Variants in XRRA1 observed in about 807,000 individuals in gnomAD.
XRRA1 encodes the protein X-ray radiation resistance associated 1, also known as X-ray radiation resistance-associated protein 1.
Under a neutral mutation model 80.2 loss-of-function variants are expected in XRRA1, and 69 were observed. That is an observed-to-expected ratio of 0.86 (90% CI 0.71 to 1.05). XRRA1 has a LOEUF of 1.05. XRRA1 is among the 50% of genes least tolerant of loss of function. XRRA1 has a pLI of 0.00. For missense variants in XRRA1, 967 were observed against 976.4 expected, an observed-to-expected ratio of 0.99 and a Z score of 0.13; for synonymous variants, 348 against 389.9, an observed-to-expected ratio of 0.89 and a Z score of 1.27.
At chr11:74,877,676 T>C (rs1372720824) in intron 10 of XRRA1, among the ~76,000 whole-genome samples, 1 of 140,578 alleles carries the variant, frequency 7.1e-6, no homozygotes, top group Non-Finnish European at 1.5e-5. Context: ...TGTGATCTCA[T>C]TGTTCAATTC....
At chr11:74,930,479 A>C in intron 5 of XRRA1, 107 bp from the exon 6 acceptor site, 1 of 841,412 alleles carries the variant, frequency 1.2e-6, no homozygotes, top group Non-Finnish European at 1.8e-6. Flanking sequence ...AAAGACCTAA[A>C]GGAATAAGGG....
At chr11:74,859,136 C>T in intron 12 of XRRA1, 22 bp downstream of exon 12, 1 of 1,577,150 alleles carries the variant, frequency 6.3e-7, no homozygotes. Context: ...CCTGAGTAAA[C>T]AGGAGAGGAG....
In XRRA1 at chr11:74,932,429, A is replaced by G. The variant is rs563882795; in HGVS notation, c.351+1372T>C. On this transcript the variant is annotated intron_variant, in intron 5 of 18. Transcript: ENST00000684022. ...ATTAGCTAGTCCTGTCTAACTCCAT[A>G]TCCATCTAAGCCCAGCCTCCTCCCT... Among the ~76,000 whole-genome samples the G allele has an allele frequency of 3.9e-5, 6 of 152,068 alleles. No individual in the cohort carries two copies. The South Asian group carries it at 1.2e-3, about 32-fold the overall frequency.
chr11:74,936,072 G>C (rs1175801212), intron 4 of XRRA1, among the ~76,000 whole-genome samples: 1 of 152,180 alleles, frequency 6.6e-6, no homozygotes, highest in African/African-American at 2.4e-5. Flanking sequence ...GATTTATGCA[G>C]GCACCCATCT....
At chr11:74,882,373 G>A (rs1170957359) in intron 10 of XRRA1, among the ~76,000 whole-genome samples, 4 of 150,684 alleles carry the variant, frequency 2.7e-5, no homozygotes, top group East Asian at 1.9e-4. Context: ...GCTCCTTTAA[G>A]CACTTCTCTG....
chr11:74,913,470 T>C (rs1208995102), intron 8 of XRRA1: 1 of 152,218 alleles, frequency 6.6e-6, no homozygotes, highest in Admixed American at 6.5e-5. Context: ...CACTTTCAGC[T>C]GCTATTCCAG....
rs188241427 is a variant in XRRA1 at position 74,939,916 on chromosome 11, T to C, written c.94+869A>G. On this transcript the variant is annotated intron_variant, in intron 3 of 18. Coordinates refer to ENST00000684022, the MANE Select transcript of XRRA1 (RefSeq NM_001378157.1). ...GCAAGAGAGAGACAAAGAGAGAAAC[T>C]ATGAGCTCACACTGATAGCTCCATC... 3.6e-3 allele frequency among the ~76,000 whole-genome samples: 544 copies of C among 151,954 alleles called. 3 individuals are homozygous for C. Among genetic ancestry groups the C allele is most frequent in the African/African-American group, 0.013 (534 of 41,414 alleles).
At chr11:74,917,752 T>C (rs1026923687) in intron 8 of XRRA1, among the ~76,000 whole-genome samples, 1 of 152,190 alleles carries the variant, frequency 6.6e-6, no homozygotes, top group African/African-American at 2.4e-5. Context: ...CTTCTCATTC[T>C]ACAACTTTTG....
At chr11:74,907,758 G>A (rs2054956322) in intron 8 of XRRA1, among the ~76,000 whole-genome samples, 1 of 152,078 alleles carries the variant, frequency 6.6e-6, no homozygotes, top group Non-Finnish European at 1.5e-5. Flanking sequence ...GTGGGTTGAG[G>A]GCACCACCCC....
chr11:74,858,871 GA>G (rs1197210421), intron 12 of XRRA1, among the ~76,000 whole-genome samples: 2 of 152,130 alleles, frequency 1.3e-5, no homozygotes, highest in Admixed American at 6.5e-5. Context: ...CCTTATAGGT[GA>G]TAAGTTGCAA....
intron 2 of XRRA1, among the ~76,000 whole-genome samples, chr11:74,943,528 T>G (rs1447079347): frequency 1.5e-4 from 7 of 47,648 alleles, no homozygotes; most frequent in Admixed American, 4.7e-4. Flanking sequence ...TAGGAGGGTG[T>G]GTGTGTGTGT....
At position 74,869,670 on chromosome 11, in the gene XRRA1, C is replaced by A. The variant is rs2044313547; in HGVS notation, c.1004-6649G>T. 2.0e-5 allele frequency among the ~76,000 whole-genome samples: 3 copies of A among 152,066 alleles called. No individual in the cohort carries two copies. The South Asian group carries it at 6.2e-4, about 31-fold the overall frequency. On this transcript the variant is annotated intron_variant, in intron 10 of 18. Transcript: ENST00000684022. Reference sequence around the variant, plus strand: ...GTATGGGGGCGACCATTTTTTTGTGCCCTATGCAAATGACAAACCTAGTTC... The same window carrying A: ...GTATGGGGGCGACCATTTTTTTGTGACCTATGCAAATGACAAACCTAGTTC...
intron 7 of XRRA1, among the ~76,000 whole-genome samples, chr11:74,924,417 T>G: frequency 6.8e-6 from 1 of 146,030 alleles, no homozygotes; most frequent in Non-Finnish European, 1.5e-5. Context: ...GAGCTTGCAG[T>G]GAGTCGAGAT....
At chr11:74,916,391 C>G (rs2138686181) in intron 8 of XRRA1, among the ~76,000 whole-genome samples, 1 of 152,154 alleles carries the variant, frequency 6.6e-6, no homozygotes, top group South Asian at 2.1e-4. Context: ...TGACTTGATA[C>G]ATTTAATTGT....
chr11:74,878,383 G>T (rs2046600769), intron 10 of XRRA1, among the ~76,000 whole-genome samples: 1 of 151,700 alleles, frequency 6.6e-6, no homozygotes, highest in Non-Finnish European at 1.5e-5. Context: ...AGAGGAGTAG[G>T]TTGTGAAAAT....
intron 8 of XRRA1, among the ~76,000 whole-genome samples, chr11:74,916,601 C>T (rs1220020449): frequency 6.6e-6 from 1 of 151,666 alleles, no homozygotes; most frequent in Admixed American, 6.6e-5. Flanking sequence ...TCTTTGAAAA[C>T]CTTTAAGACA....
At chr11:74,889,753 T>C (rs539528671) in intron 10 of XRRA1, among the ~76,000 whole-genome samples, 17 of 152,248 alleles carry the variant, frequency 1.1e-4, no homozygotes, top group African/African-American at 3.9e-4. Context: ...GGGTTGCAAT[T>C]CTAGTCTCTG....
chr11:74,924,935 C>A (rs1227589926), intron 7 of XRRA1, among the ~76,000 whole-genome samples: 1 of 152,208 alleles, frequency 6.6e-6, no homozygotes, highest in African/African-American at 2.4e-5. Context: ...CATTATACAA[C>A]AGCAGAGCTG....
intron 15 of XRRA1, among the ~76,000 whole-genome samples, chr11:74,846,757 G>C (rs1226962562): frequency 6.6e-6 from 1 of 152,024 alleles, no homozygotes; most frequent in African/African-American, 2.4e-5. Flanking sequence ...ACCAGATAAA[G>C]ATCATCTATG....
Sources: allele counts gnomAD v4.1 joint callset (sites outside exome capture counted in the v4.1 genomes callset), GRCh38; gene constraint gnomAD v4.1.1; transcripts MANE v1.5; gene names NCBI Gene and HGNC (gene_info 2026-07-23, HGNC 2026-07-21).